Variants in SEC14L3 observed in about 807,000 individuals in gnomAD.
The protein encoded by SEC14L3 is SEC14-like protein 3.
In SEC14L3, 56 loss-of-function variants were observed where a neutral mutation model predicts 57.4. The ratio of observed to expected loss-of-function variants is 0.97; its 90% CI spans 0.79 to 1.22. SEC14L3 has a LOEUF of 1.22. Ranked by LOEUF, SEC14L3 falls within the 50% of genes most tolerant of loss-of-function variation. The pLI, the probability that SEC14L3 is intolerant of heterozygous loss-of-function variation, is 0.00. For missense variants in SEC14L3, 485 were observed against 511.7 expected (o/e 0.95, Z 0.50); for synonymous variants, 173 against 194.4 (o/e 0.89, Z 0.92).
chr22:30,448,252 A>AC (rs770941312), exon 13 of SEC14L3: 33 of 151,230 alleles, frequency 2.2e-4, no homozygotes, highest in Non-Finnish European at 2.2e-4. Flanking sequence ...TGACAGCCCT[A>AC]CCCCCCCAAT....
At chr22:30,469,676 T>C (rs1296367026) in intron 4 of SEC14L3, among the ~76,000 whole-genome samples, 1 of 152,120 alleles carries the variant, frequency 6.6e-6, no homozygotes, top group African/African-American at 2.4e-5. Context: ...GAGCCTGGGT[T>C]TGGGGGCCCA....
chr22:30,455,144 ATATATAT>A (rs1159951342), downstream of SEC14L3, among the ~76,000 whole-genome samples: 4 of 21,892 alleles, frequency 1.8e-4, no homozygotes, highest in African/African-American at 3.0e-4. Flanking sequence ...TTAATATTTA[ATATATAT>A]TATATTTAAT....
downstream of SEC14L3, chr22:30,447,835 G>A (rs1934907338): frequency 1.3e-5 from 2 of 152,160 alleles, no homozygotes; most frequent in South Asian, 4.1e-4. Context: ...CTGTGGAAGT[G>A]TTTGGCTTGG....
At chr22:30,469,021 T>A in intron 4 of SEC14L3, 1 of 1,328,474 alleles carries the variant, frequency 7.5e-7, no homozygotes, top group South Asian at 1.8e-5. Context: ...CAGAGCTGGT[T>A]CAAAAACAGA....
chr22:30,468,295 A>G (rs10427843), intron 5 of SEC14L3, among the ~76,000 whole-genome samples: 105,564 of 150,008 alleles, frequency 0.7, 38,159 homozygotes, highest in African/African-American at 0.86. Flanking sequence ...AAAAAAAAAG[A>G]GGGTTCTATT....
In SEC14L3 at chr22:30,451,131, G is replaced by A. The variant is rs1934971808; in HGVS notation, c.905-1887C>T. ...CAGAGAAATGTGGCACCAAGGTACA[G>A]TGGGGGCAGGCCAGGTCAGGGGGGC... On this transcript the variant is annotated intron_variant, in intron 12 of 12. Coordinates refer to the SEC14L3 transcript ENST00000403066. Among the ~76,000 whole-genome samples, 3 of 152,240 alleles carry A rather than the reference G, an allele frequency of 2.0e-5. No individual in the cohort carries two copies. The South Asian group carries it at 6.2e-4, about 32-fold the overall frequency.
At chr22:30,465,185 A>C (rs1038003768) in intron 7 of SEC14L3, among the ~76,000 whole-genome samples, 47 of 152,218 alleles carry the variant, frequency 3.1e-4, no homozygotes, top group African/African-American at 1.1e-3. Flanking sequence ...TCAGTCAACC[A>C]ATAAACCAGC....
intron 12 of SEC14L3, among the ~76,000 whole-genome samples, chr22:30,452,385 C>T (rs1304224265): frequency 6.6e-6 from 1 of 151,460 alleles, no homozygotes; most frequent in Non-Finnish European, 1.5e-5. Flanking sequence ...GCTGGGATTA[C>T]AGGCTCCGGC....
chr22:30,457,721 C>A (rs2146094402), downstream of SEC14L3, among the ~76,000 whole-genome samples: 1 of 151,200 alleles, frequency 6.6e-6, no homozygotes, highest in Non-Finnish European at 1.5e-5. Flanking sequence ...TCTGACAACC[C>A]TCATTTTCTC....
At chr22:30,448,708 CA>C (rs11374775) in exon 13 of SEC14L3, 753 of 150,958 alleles carry the variant, frequency 5.0e-3, no homozygotes, top group Admixed American at 8.4e-3. Context: ...TCATCTCTAC[CA>C]AAAAAAAAAA....
intron 9 of SEC14L3, 110 bp from the exon 10 acceptor site, chr22:30,461,804 C>T (rs1935276008): frequency 7.1e-7 from 1 of 1,417,954 alleles, no homozygotes. Flanking sequence ...TCATCCTAGC[C>T]CCACTCTCCC....
chr22:30,455,615 A>G (rs773569937), downstream of SEC14L3, among the ~76,000 whole-genome samples: 6 of 152,128 alleles, frequency 3.9e-5, no homozygotes, highest in Non-Finnish European at 7.3e-5. Context: ...ACTTTGTGAC[A>G]TGCATTTGTG....
chr22:30,459,487 A>G lies in SEC14L3; in HGVS notation c.*534T>C. ...CTCCAGAAGAGAGTCCAACCCCACC[A>G]CACATCTGCTCCTGTCCAAGGTGCT... On this transcript the variant is annotated 3_prime_UTR_variant, in exon 12 of 12. Coordinates refer to ENST00000215812, the MANE Select transcript of SEC14L3 (RefSeq NM_174975.5). The G allele has an allele frequency of 1.0e-6, 1 of 985,588 alleles. No homozygotes were observed. Among genetic ancestry groups the G allele is most frequent in the Non-Finnish European group, 1.2e-6 (1 of 830,050 alleles). 61.1% of individuals were successfully genotyped at this position (985,588 alleles called of 1,614,324 possible).
chr22:30,468,179 C>T (rs911683112), intron 5 of SEC14L3, among the ~76,000 whole-genome samples: 13 of 151,444 alleles, frequency 8.6e-5, no homozygotes, highest in South Asian at 4.2e-4. Context: ...CTCAGGAGGC[C>T]GAGGCAGGAA....
At chr22:30,470,677 C>T (rs1449614021) in intron 1 of SEC14L3, 95 bp from the exon 2 acceptor site, 13 of 1,574,400 alleles carry the variant, frequency 8.3e-6, no homozygotes, top group Admixed American at 1.8e-5. Flanking sequence ...TTTCCTCCCA[C>T]ATGCAAAATG....
rs763961832 is a variant in SEC14L3 at position 30,461,321 on chromosome 22, T to A, written c.1070A>T (p.Glu357Val). The stretch of plus-strand genomic sequence containing the variant: ...TGGGGCAGACTTACAGACGCCGGCC[T>A]CTGAGCAGGTGAGGTTCCCATCCTC... The part of the protein sequence containing the change: ...VPEDGNLTCS[E>V]AGVYVLRFDN... Residue 357 changes from glutamate to valine, a missense_variant, in exon 11 of 12, where the codon GAG becomes GTG. By Grantham distance (121) the Glu-to-Val change is moderately radical (BLOSUM62 -2). Transcript: ENST00000215812. 11 of 1,595,824 alleles carry A rather than the reference T, an allele frequency of 6.9e-6. No individual in the cohort carries two copies. The South Asian group carries it at 1.0e-4, about 15-fold the overall frequency.
Position 30,465,084 on chromosome 22 carries a change from CCAATCATGCAT to C in SEC14L3, c.581-192_581-182del, listed in dbSNP as rs1182251432. On this transcript the variant is annotated intron_variant, in intron 7 of 11. Coordinates refer to ENST00000215812, the MANE Select transcript of SEC14L3 (RefSeq NM_174975.5). ...AACCAGCCAACAAACAGCCAACTAA[CCAATCATGCAT>C]CAATCATGCAATGCAACCATCAACC... 1.2e-5 allele frequency: 4 copies of C among 347,092 alleles called. No homozygotes were observed. The Admixed American group carries it at 1.9e-4, about 17-fold the overall frequency. 21.5% of individuals were successfully genotyped at this position (347,092 alleles called of 1,614,324 possible).
chr22:30,466,239 C>T, intron 7 of SEC14L3, 95 bp downstream of exon 7: 3 of 1,205,362 alleles, frequency 2.5e-6, no homozygotes, highest in Non-Finnish European at 3.6e-6. Flanking sequence ...AACCAACCTG[C>T]CTCACAACAA....
chr22:30,461,500 A>G (rs768854289), intron 10 of SEC14L3, 21 bp from the exon 11 acceptor site: 5 of 1,613,102 alleles, frequency 3.1e-6, no homozygotes, highest in Non-Finnish European at 4.2e-6. Context: ...GAGGGGGAGG[A>G]GACAGGTTGC....
Sources: gnomAD v4.1 joint callset for allele counts (sites outside exome capture counted in the v4.1 genomes callset) on GRCh38, gnomAD v4.1.1 for gene constraint, MANE v1.5 for transcripts, NCBI Gene and HGNC (gene_info 2026-07-23, HGNC 2026-07-21) for gene names.